The following CLSTN2 variants were observed in gnomAD, a reference collection of about 807,000 sequenced individuals.
CLSTN2 encodes calsyntenin-2.
CLSTN2 carries 48 observed loss-of-function variants against 101.2 expected under a neutral mutation model. The ratio of observed to expected loss-of-function variants is 0.47; its 90% CI spans 0.38 to 0.60. The LOEUF (loss-of-function observed/expected upper bound fraction) is 0.60, where lower values mean the gene tolerates loss of function less well. CLSTN2 is among the 20% of genes least tolerant of loss of function. The pLI is 0.00. For synonymous variants in CLSTN2, 481 were observed against 463.6 expected, an observed-to-expected ratio of 1.04 and a Z score of -0.48; for missense variants, 1,160 against 1,238.2, an observed-to-expected ratio of 0.94 and a Z score of 0.95.
intron 1 of CLSTN2, among the ~76,000 whole-genome samples, chr3:140,105,601 A>T (rs754055432): frequency 3.3e-5 from 5 of 152,194 alleles, no homozygotes; most frequent in Non-Finnish European, 7.4e-5. Flanking sequence ...CTAAGCATCT[A>T]ATCTATGCAA....
intron 2 of CLSTN2, among the ~76,000 whole-genome samples, chr3:140,230,503 G>T (rs1320738535): frequency 6.6e-6 from 1 of 152,168 alleles, no homozygotes; most frequent in African/African-American, 2.4e-5. Context: ...GCTTTTGGGA[G>T]GTAATTAGGC....
At chr3:140,248,606 A>T (rs902505036) in intron 2 of CLSTN2, among the ~76,000 whole-genome samples, 1 of 152,166 alleles carries the variant, frequency 6.6e-6, no homozygotes, top group Non-Finnish European at 1.5e-5. Flanking sequence ...AGATACGAAG[A>T]TGGGGCTGAA....
At chr3:140,478,064 T>A (rs1411566291) in intron 8 of CLSTN2, among the ~76,000 whole-genome samples, 1 of 152,206 alleles carries the variant, frequency 6.6e-6, no homozygotes, top group Non-Finnish European at 1.5e-5. Flanking sequence ...AAGAAAAGAC[T>A]GTTACCACAG....
chr3:139,955,926 CA>C (rs1460412746), intron 1 of CLSTN2, among the ~76,000 whole-genome samples: 2 of 152,196 alleles, frequency 1.3e-5, no homozygotes, highest in East Asian at 3.9e-4. Context: ...TGTGCAGTGA[CA>C]GGGGGTGGTA....
At chr3:140,192,830 G>T (rs769673340) in intron 2 of CLSTN2, among the ~76,000 whole-genome samples, 8 of 151,756 alleles carry the variant, frequency 5.3e-5, no homozygotes, top group African/African-American at 7.2e-5. Flanking sequence ...TTTTATTTTT[G>T]TGTTGTTCTA....
intron 2 of CLSTN2, among the ~76,000 whole-genome samples, chr3:140,199,644 C>G (rs924575892): frequency 2.6e-5 from 4 of 152,160 alleles, no homozygotes; most frequent in African/African-American, 9.7e-5. Context: ...TTCTTTCAAT[C>G]TCTTTCTACC....
chr3:139,956,754 C>T (rs1173790976), intron 1 of CLSTN2, among the ~76,000 whole-genome samples: 2 of 152,148 alleles, frequency 1.3e-5, no homozygotes, highest in Admixed American at 1.3e-4. Flanking sequence ...GATTGTCATT[C>T]ACCAGTAATA....
intron 1 of CLSTN2, among the ~76,000 whole-genome samples, chr3:140,046,520 G>T (rs1004117851): frequency 1.3e-5 from 2 of 152,100 alleles, no homozygotes; most frequent in Non-Finnish European, 2.9e-5. Flanking sequence ...TACATTTAAG[G>T]TTAATATTGT....
intron 1 of CLSTN2, among the ~76,000 whole-genome samples, chr3:140,076,025 G>T (rs1186160139): frequency 6.6e-6 from 1 of 152,108 alleles, no homozygotes; most frequent in Non-Finnish European, 1.5e-5. Flanking sequence ...TTGTACAGCA[G>T]ATCTCTAATG....
intron 2 of CLSTN2, among the ~76,000 whole-genome samples, chr3:140,205,621 C>CCCCA (rs1559806090): frequency 1.0e-5 from 1 of 98,952 alleles, no homozygotes; most frequent in African/African-American, 3.6e-5. Flanking sequence ...CTGACCCGCC[C>CCCCA]CCCACCCACA....
intron 10 of CLSTN2, among the ~76,000 whole-genome samples, chr3:140,550,243 G>GC (rs1935678004): frequency 6.6e-6 from 1 of 151,560 alleles, no homozygotes; most frequent in Admixed American, 6.6e-5. Context: ...GAAGGCTCAG[G>GC]CAAGGGATCA....
At chr3:140,553,060 C>T (rs376626735) in intron 10 of CLSTN2, among the ~76,000 whole-genome samples, 2 of 152,310 alleles carry the variant, frequency 1.3e-5, no homozygotes, top group African/African-American at 4.8e-5. Flanking sequence ...AAGAGAGATG[C>T]CAACTCAGAC....
chr3:140,471,968 T>A (rs1266338992), intron 8 of CLSTN2, among the ~76,000 whole-genome samples: 1 of 152,236 alleles, frequency 6.6e-6, no homozygotes, highest in African/African-American at 2.4e-5. Context: ...AGCTACTATG[T>A]TGATACAAGA....
At position 139,937,352 on chromosome 3, in the gene CLSTN2, C is replaced by A. The variant is rs769459305; in HGVS notation, c.109+1869C>A. On this transcript the variant is annotated intron_variant, in intron 1 of 16. Transcript: ENST00000458420. ...AGAGATAAAAAAGGAAAATAAAAAC[C>A]CCAGGCTTTCAATGATTCACTTTAT... Among the ~76,000 whole-genome samples the A allele has an allele frequency of 2.6e-5, 4 of 151,990 alleles. No homozygotes were observed. The East Asian group carries it at 7.7e-4, about 29-fold the overall frequency.
At chr3:140,124,050 A>G (rs148304575) in intron 1 of CLSTN2, among the ~76,000 whole-genome samples, 406 of 152,222 alleles carry the variant, frequency 2.7e-3, no homozygotes, top group African/African-American at 9.5e-3. Flanking sequence ...GACAATTTTA[A>G]AAACATAATT....
intron 2 of CLSTN2, among the ~76,000 whole-genome samples, chr3:140,303,610 A>G (rs1048657877): frequency 6.6e-5 from 10 of 152,150 alleles, no homozygotes; most frequent in African/African-American, 2.4e-4. Context: ...ATCCAACTGA[A>G]GGTCACTTGG....
At chr3:140,479,695 G>A (rs1299548996) in intron 8 of CLSTN2, among the ~76,000 whole-genome samples, 1 of 152,142 alleles carries the variant, frequency 6.6e-6, no homozygotes, top group African/African-American at 2.4e-5. Flanking sequence ...AATATCTAAA[G>A]TGAAAATATG....
intron 1 of CLSTN2, among the ~76,000 whole-genome samples, chr3:139,999,912 G>A (rs1340115514): frequency 1.3e-5 from 2 of 150,884 alleles, no homozygotes; most frequent in Non-Finnish European, 1.5e-5. Context: ...CTATGATCAC[G>A]CCACTGCATT....
intron 5 of CLSTN2, among the ~76,000 whole-genome samples, chr3:140,431,705 G>C (rs1014926409): frequency 5.9e-5 from 9 of 152,178 alleles, no homozygotes; most frequent in African/African-American, 1.7e-4. Context: ...CACAGGGGTA[G>C]GTGATGGGGG....
Sources: allele counts gnomAD v4.1 joint callset (sites outside exome capture counted in the v4.1 genomes callset), GRCh38; gene constraint gnomAD v4.1.1; transcripts MANE v1.5; gene names NCBI Gene and HGNC (gene_info 2026-07-23, HGNC 2026-07-21).